Variants in THSD4 observed in about 807,000 individuals in gnomAD.
THSD4 encodes the protein thrombospondin type 1 domain containing 4.
THSD4 carries 69 observed loss-of-function variants against 119.0 expected under a neutral mutation model. That is an observed-to-expected ratio of 0.58 (90% confidence interval 0.48 to 0.71). The LOEUF is 0.71. Ranked by LOEUF, THSD4 falls within the 30% of genes least tolerant of loss-of-function variation. THSD4 has a pLI of 0.00. For synonymous variants in THSD4, 524 were observed against 540.4 expected (o/e 0.97, Z 0.42); for missense variants, 1,393 against 1,391.1 (o/e 1.00, Z -0.02).
chr15:71,632,072 T>C (rs529150612), intron 7 of THSD4, among the ~76,000 whole-genome samples: 45 of 152,334 alleles, frequency 3.0e-4, no homozygotes, highest in Admixed American at 2.7e-3. Context: ...ACCTATCTTA[T>C]AGAGCTGGCA....
intron 6 of THSD4, among the ~76,000 whole-genome samples, chr15:71,262,173 A>T (rs2044408234): frequency 6.6e-6 from 1 of 152,176 alleles, no homozygotes; most frequent in Non-Finnish European, 1.5e-5. Flanking sequence ...TCTCTGATAA[A>T]CACATTAATT....
At chr15:71,765,294 C>T in intron 16 of THSD4, 95 bp downstream of exon 16, 7 of 1,411,618 alleles carry the variant, frequency 5.0e-6, no homozygotes, top group Non-Finnish European at 6.6e-6. Flanking sequence ...GGGTTCAGCC[C>T]TGAAAGAGAT....
At chr15:71,632,580 T>C (rs1567072676) in intron 7 of THSD4, among the ~76,000 whole-genome samples, 1 of 152,270 alleles carries the variant, frequency 6.6e-6, no homozygotes. Flanking sequence ...ATGTTTTAAA[T>C]GTCTGTATGT....
intron 7 of THSD4, among the ~76,000 whole-genome samples, chr15:71,620,818 A>G (rs1049640732): frequency 7.9e-5 from 12 of 152,126 alleles, no homozygotes; most frequent in African/African-American, 2.9e-4. Flanking sequence ...TAGTGGAGAC[A>G]TGTCTTAACT....
intron 6 of THSD4, among the ~76,000 whole-genome samples, chr15:71,378,222 C>T (rs1309289237): frequency 6.6e-6 from 1 of 152,020 alleles, no homozygotes. Flanking sequence ...AGTAAAGTGG[C>T]TTTTTCTAAT....
chr15:71,754,192 C>T (rs755724504), intron 14 of THSD4, among the ~76,000 whole-genome samples: 5 of 150,476 alleles, frequency 3.3e-5, no homozygotes, highest in South Asian at 2.1e-4. Flanking sequence ...CGGGTTCAAG[C>T]GATTCTTCTG....
At chr15:71,720,130 A>G (rs2052694133) in intron 8 of THSD4, among the ~76,000 whole-genome samples, 1 of 142,608 alleles carries the variant, frequency 7.0e-6, no homozygotes, top group Non-Finnish European at 1.5e-5. Flanking sequence ...GGCTCACTGC[A>G]GCTTTAACCT....
At chr15:71,575,988 A>T (rs563422952) in intron 7 of THSD4, among the ~76,000 whole-genome samples, 22 of 152,320 alleles carry the variant, frequency 1.4e-4, no homozygotes, top group African/African-American at 5.1e-4. Flanking sequence ...ACATGAAGCT[A>T]AATTTGTTCA....
chr15:71,168,892 C>T (rs1189589611), intron 3 of THSD4, among the ~76,000 whole-genome samples: 1 of 152,098 alleles, frequency 6.6e-6, no homozygotes, highest in Non-Finnish European at 1.5e-5. Flanking sequence ...AGAATAGCTT[C>T]GTAATTTGAT....
At chr15:71,101,229 T>C (rs1295075887) in intron 1 of THSD4, among the ~76,000 whole-genome samples, 2 of 152,102 alleles carry the variant, frequency 1.3e-5, no homozygotes, top group Non-Finnish European at 2.9e-5. Flanking sequence ...GATTACAGTA[T>C]ATGGTCTGCT....
chr15:71,441,874 A>G (rs771445994), intron 7 of THSD4, among the ~76,000 whole-genome samples: 1 of 152,170 alleles, frequency 6.6e-6, no homozygotes, highest in Non-Finnish European at 1.5e-5. Flanking sequence ...GAGACGGTGC[A>G]TAAAAGAGCC....
chr15:71,283,317 A>G (rs1421372933), intron 6 of THSD4, among the ~76,000 whole-genome samples: 1 of 152,180 alleles, frequency 6.6e-6, no homozygotes, highest in African/African-American at 2.4e-5. Flanking sequence ...GGTCAAGCTC[A>G]TATGGCCAAT....
At chr15:71,158,216 C>T (rs1026040898) in intron 3 of THSD4, among the ~76,000 whole-genome samples, 2 of 143,344 alleles carry the variant, frequency 1.4e-5, no homozygotes, top group East Asian at 2.1e-4. Flanking sequence ...TGCAGTGGCG[C>T]GATCTCAGCT....
intron 7 of THSD4, among the ~76,000 whole-genome samples, chr15:71,458,683 A>G (rs1485290631): frequency 6.6e-6 from 1 of 152,206 alleles, no homozygotes; most frequent in Non-Finnish European, 1.5e-5. Flanking sequence ...TGATCATGTA[A>G]TTGTCACACA....
At chr15:71,223,481 A>G (rs376233033) in intron 4 of THSD4, among the ~76,000 whole-genome samples, 4 of 152,250 alleles carry the variant, frequency 2.6e-5, no homozygotes, top group South Asian at 2.1e-4. Context: ...CGCTGTCATT[A>G]GAAGTTGGCC....
intron 11 of THSD4, among the ~76,000 whole-genome samples, chr15:71,738,746 A>C (rs949159435): frequency 2.6e-5 from 4 of 152,206 alleles, no homozygotes; most frequent in African/African-American, 9.6e-5. Context: ...CAGGGTTTTT[A>C]CTGGGGTCTC....
At chr15:71,682,042 C>T (rs1185277229) in intron 8 of THSD4, among the ~76,000 whole-genome samples, 9 of 152,022 alleles carry the variant, frequency 5.9e-5, no homozygotes, top group Non-Finnish European at 1.0e-4. Flanking sequence ...GCATGGGGAC[C>T]CTTGGAGCCC....
At chr15:71,409,957 T>C (rs943825714) in intron 6 of THSD4, among the ~76,000 whole-genome samples, 3 of 152,098 alleles carry the variant, frequency 2.0e-5, no homozygotes, top group Non-Finnish European at 4.4e-5. Flanking sequence ...TATAGAAATA[T>C]ATCTTGCCTG....
chr15:71,284,374 A>C (rs116091955), intron 6 of THSD4, among the ~76,000 whole-genome samples: 1,796 of 152,310 alleles, frequency 0.012, 38 homozygotes, highest in African/African-American at 0.041. Flanking sequence ...TGAGAACAGA[A>C]ATTCATACAC....
Sources: gnomAD v4.1 joint callset for allele counts (sites outside exome capture counted in the v4.1 genomes callset) on GRCh38, gnomAD v4.1.1 for gene constraint, MANE v1.5 for transcripts, NCBI Gene and HGNC (gene_info 2026-07-23, HGNC 2026-07-21) for gene names.